Variants in NMBR observed in about 807,000 individuals in gnomAD.
NMBR encodes the protein neuromedin B receptor, also known as neuromedin-B receptor.
Under a neutral mutation model 20.5 loss-of-function variants are expected in NMBR, and 16 were observed. The observed-to-expected ratio is 0.78, with a 90% CI of 0.53 to 1.19. NMBR has a LOEUF of 1.19. Among genes scored for constraint, NMBR ranks in the 50% most tolerant of loss-of-function variants. The pLI is 0.00. For synonymous variants in NMBR, 212 were observed against 196.6 expected, an observed-to-expected ratio of 1.08 and a Z score of -0.65; for missense variants, 582 against 499.1, an observed-to-expected ratio of 1.17 and a Z score of -1.58.
intron 1 of NMBR, among the ~76,000 whole-genome samples, chr6:142,111,682 A>G (rs965937343): frequency 1.3e-5 from 2 of 152,198 alleles, no homozygotes; most frequent in African/African-American, 2.4e-5. Flanking sequence ...CTGGATGAAA[A>G]TTGAATAGTG....
At chr6:142,123,510 G>A (rs1408347058) in intron 1 of NMBR, among the ~76,000 whole-genome samples, 1 of 151,922 alleles carries the variant, frequency 6.6e-6, no homozygotes, top group African/African-American at 2.4e-5. Flanking sequence ...GTAAAATACT[G>A]TCAAAAAGCA....
chr6:142,142,630 A>C (rs1407085600), intron 1 of NMBR, among the ~76,000 whole-genome samples: 1 of 151,954 alleles, frequency 6.6e-6, no homozygotes, highest in Non-Finnish European at 1.5e-5. Flanking sequence ...TTAACGTTGA[A>C]CTGGAATTCA....
rs1436132196 is a variant in NMBR, at chr6:142,133,794, T to C, written c.-664+13250A>G. ...AATGTGATATAAGGATTTTTTTAAA[T>C]GTCCTCCTTTAATGTTTGTGTTTAA... On this transcript the variant is annotated intron_variant, in intron 1 of 3. Coordinates refer to ENST00000258042, the MANE Select transcript of NMBR (RefSeq NM_002511.4). 7.3e-6 allele frequency: 4 copies of C among 551,028 alleles called. No individual in the cohort carries two copies. The East Asian group carries it at 1.1e-4, about 16-fold the overall frequency. The allele number at this position is 551,028 out of a possible 1,614,324, so 34.1% of individuals were successfully genotyped here.
In NMBR at chr6:142,076,032, G is replaced by C; in HGVS notation, c.789C>G (p.Arg263=). Residue 263 remains arginine (R), a synonymous_variant, in exon 4 of 4, where the codon CGC becomes CGG. Transcript: ENST00000258042. ...HTKKQMETRK[R]LAKIVLVFVG... is the part of the protein sequence containing the mutation. Reference sequence around the variant, plus strand: ...CAAAGACAAGCACAATTTTAGCCAGGCGTTTCCGTGTTTCCATCTGCAAAT... The same window carrying C: ...CAAAGACAAGCACAATTTTAGCCAGCCGTTTCCGTGTTTCCATCTGCAAAT... 1 of 1,581,326 alleles carries C rather than the reference G, an allele frequency of 6.3e-7. No homozygotes were observed. Among genetic ancestry groups the C allele is most frequent in the East Asian group, 2.2e-5 (1 of 44,474 alleles).
chr6:142,118,504 C>T (rs1443636306), intron 1 of NMBR, among the ~76,000 whole-genome samples: 4 of 151,922 alleles, frequency 2.6e-5, no homozygotes, highest in African/African-American at 9.7e-5. Context: ...ACTAAGTTGC[C>T]TAGAGCTATC....
At position 142,088,447 on chromosome 6, in the gene NMBR, T is replaced by C; in HGVS notation, c.212A>G (p.Asn71Ser). 6.2e-7 allele frequency: 1 copy of C among 1,614,018 alleles called. No homozygotes were observed. The highest frequency in any genetic ancestry group is 8.5e-7 in the Non-Finnish European group (1 of 1,179,980). The change falls in exon 2 of 4, where the codon AAC (asparagine) becomes AGC (serine). Residue 71 changes from asparagine to serine, a missense_variant. Physicochemically the swap from Asn to Ser is conservative, Grantham distance 46. Coordinates refer to ENST00000258042, the MANE Select transcript of NMBR (RefSeq NM_002511.4). ...NIMLVKIFIT[N>S]SAMRSVPNIF... ...GTTGGGGACGCTCCTCATGGCGCTG[T>C]TGGTGATGAAGATCTTCACCAGCAT...
intron 1 of NMBR, among the ~76,000 whole-genome samples, 199 bp downstream of exon 1, chr6:142,146,845 A>G (rs1778446754): frequency 6.6e-6 from 1 of 152,220 alleles, no homozygotes; most frequent in African/African-American, 2.4e-5. Context: ...CTTCTAAAGG[A>G]CACTGCTATA....
rs183572198 is a variant in NMBR, at chr6:142,089,833, C to T, written c.-663-512G>A. On this transcript the variant is annotated intron_variant, in intron 1 of 3. Coordinates refer to ENST00000258042, the MANE Select transcript of NMBR (RefSeq NM_002511.4). Reference sequence around the variant, plus strand: ...ATTTTAGTCAACCTGAGTAACGTTTCTATGAACATTCTTTTACATGTGTTC... The same window carrying T: ...ATTTTAGTCAACCTGAGTAACGTTTTTATGAACATTCTTTTACATGTGTTC... Among the ~76,000 whole-genome samples the T allele has an allele frequency of 4.6e-5, 7 of 152,258 alleles. No homozygotes were observed. The East Asian group carries it at 1.4e-3, about 29-fold the overall frequency.
At chr6:142,098,790 A>G (rs925715875) in intron 1 of NMBR, among the ~76,000 whole-genome samples, 2 of 152,152 alleles carry the variant, frequency 1.3e-5, no homozygotes, top group Non-Finnish European at 2.9e-5. Flanking sequence ...ATAATCCCAG[A>G]AAGGTAATCT....
Position 142,088,301 on chromosome 6 carries a change from G to A in NMBR, c.358C>T (p.Pro120Ser). ...CCCACGGAAGTGAGCTGGATGACAG[G>A]GATCAGTTTGCAGCCCACCTTGCCA... ...MFGKVGCKLI[P>S]VIQLTSVGVS... Residue 120 changes from proline (P) to serine (S), a missense_variant, in exon 2 of 4, where the codon CCT (proline) becomes TCT (serine). Pro to Ser is a moderately conservative substitution (Grantham distance 74, BLOSUM62 -1). Transcript: ENST00000258042. 1.2e-6 allele frequency: 2 copies of A among 1,614,004 alleles called. No individual in the cohort carries two copies. Among genetic ancestry groups the A allele is most frequent in the Non-Finnish European group, 1.7e-6 (2 of 1,180,036 alleles).
intron 1 of NMBR, among the ~76,000 whole-genome samples, chr6:142,143,701 A>G (rs764632728): frequency 7.2e-5 from 11 of 152,208 alleles, no homozygotes; most frequent in Non-Finnish European, 1.6e-4. Flanking sequence ...TAGGAAACTT[A>G]TATAGAAATT....
chr6:142,140,410 C>CA (rs1485669673), intron 1 of NMBR, among the ~76,000 whole-genome samples: 2 of 151,926 alleles, frequency 1.3e-5, no homozygotes, highest in Non-Finnish European at 2.9e-5. Context: ...AAAGCCAACA[C>CA]AATTTTGGCT....
rs183267282 is a variant in NMBR at position 142,099,611 on chromosome 6, C to T, written c.-663-10290G>A. 2.0e-5 allele frequency among the ~76,000 whole-genome samples: 3 copies of T among 152,182 alleles called. No homozygotes were observed. In the East Asian group the frequency reaches 5.8e-4, roughly 29 times the overall value. On this transcript the variant is annotated intron_variant, in intron 1 of 3. Coordinates refer to ENST00000258042, the MANE Select transcript of NMBR (RefSeq NM_002511.4). ...TGGAGATGGGATTTTGCTGGGGACA[C>T]AGAGACAAACCATATCAACTTGGGT...
intron 1 of NMBR, among the ~76,000 whole-genome samples, chr6:142,145,182 G>T (rs1006420199): frequency 2.0e-5 from 3 of 152,064 alleles, no homozygotes; most frequent in East Asian, 3.9e-4. Flanking sequence ...GCAAATAAGA[G>T]TACACATGAA....
At chr6:142,077,325 G>T (rs934879136) in intron 3 of NMBR, among the ~76,000 whole-genome samples, 1 of 152,150 alleles carries the variant, frequency 6.6e-6, no homozygotes, top group Non-Finnish European at 1.5e-5. Context: ...AATTTAAAAA[G>T]TGAAGCAAGG....
At chr6:142,133,187 A>G (rs1384898644) in intron 1 of NMBR, 2 of 687,486 alleles carry the variant, frequency 2.9e-6, no homozygotes, top group Non-Finnish European at 5.3e-6. Context: ...AAAAACTTCT[A>G]TGAAGGATGT....
chr6:142,109,376 T>G (rs1256187288), intron 1 of NMBR, among the ~76,000 whole-genome samples: 2 of 152,074 alleles, frequency 1.3e-5, no homozygotes, highest in East Asian at 1.9e-4. Flanking sequence ...AAGATGCTTT[T>G]TAAAATCTCC....
At chr6:142,113,505 G>A (rs1197098674) in intron 1 of NMBR, among the ~76,000 whole-genome samples, 1 of 152,062 alleles carries the variant, frequency 6.6e-6, no homozygotes, top group African/African-American at 2.4e-5. Context: ...CCTCTCACAA[G>A]CTTTGACTCT....
At chr6:142,144,490 A>G (rs1393497059) in intron 1 of NMBR, among the ~76,000 whole-genome samples, 2 of 151,818 alleles carry the variant, frequency 1.3e-5, no homozygotes, top group Non-Finnish European at 1.5e-5. Flanking sequence ...CTCACCCCCT[A>G]TTTTGTTCTA....
Sources: allele counts gnomAD v4.1 joint callset (sites outside exome capture counted in the v4.1 genomes callset), GRCh38; gene constraint gnomAD v4.1.1; transcripts MANE v1.5; gene names NCBI Gene and HGNC (gene_info 2026-07-23, HGNC 2026-07-21).